Variants in PRKN observed in about 807,000 individuals in gnomAD.
PRKN encodes E3 ubiquitin-protein ligase parkin.
A neutral mutation model predicts 59.5 loss-of-function variants in PRKN; 56 were observed. That is an observed-to-expected ratio of 0.94 (90% CI 0.76 to 1.18). PRKN has a LOEUF of 1.18. Among genes scored for constraint, PRKN ranks in the 50% most tolerant of loss-of-function variants. The pLI is 0.00. For missense variants in PRKN, 657 were observed against 596.4 expected, an observed-to-expected ratio of 1.10 and a Z score of -1.06; for synonymous variants, 250 against 222.1, an observed-to-expected ratio of 1.13 and a Z score of -1.12.
chr6:162,474,531 G>A (rs940387593), intron 1 of PRKN, among the ~76,000 whole-genome samples: 17 of 152,118 alleles, frequency 1.1e-4, no homozygotes, highest in African/African-American at 3.6e-4. Context: ...GAAAGTTGTT[G>A]TAAAAGGTAT....
At chr6:162,021,794 A>T (rs1356504583) in intron 5 of PRKN, among the ~76,000 whole-genome samples, 1 of 152,144 alleles carries the variant, frequency 6.6e-6, no homozygotes, top group Non-Finnish European at 1.5e-5. Context: ...TCCATCACCC[A>T]AATAGTGAAC....
intron 4 of PRKN, among the ~76,000 whole-genome samples, chr6:162,070,510 A>G (rs1195870853): frequency 6.6e-6 from 1 of 152,154 alleles, no homozygotes; most frequent in African/African-American, 2.4e-5. Context: ...TGGATGCTGA[A>G]TATAAGCTGA....
intron 2 of PRKN, among the ~76,000 whole-genome samples, chr6:162,431,101 CCAAAGTGA>C (rs550476223): frequency 7.2e-4 from 109 of 152,064 alleles, no homozygotes; most frequent in African/African-American, 2.5e-3. Context: ...CAGGGAAACT[CCAAAGTGA>C]CAATCAGAGC....
At chr6:162,559,150 CAAAAA>C (rs67508754) in intron 1 of PRKN, among the ~76,000 whole-genome samples, 6 of 102,228 alleles carry the variant, frequency 5.9e-5, no homozygotes, top group African/African-American at 1.5e-4. Context: ...GATTCCGTCT[CAAAAA>C]AAAAAAAAAA....
chr6:162,155,083 G>C (rs1406487964), intron 4 of PRKN, among the ~76,000 whole-genome samples: 3 of 133,504 alleles, frequency 2.2e-5, no homozygotes, highest in Admixed American at 8.3e-5. Flanking sequence ...GTAAATCAAA[G>C]ATGGAAAAAA....
chr6:162,290,430 T>C (rs2128109077), intron 2 of PRKN, among the ~76,000 whole-genome samples: 1 of 152,320 alleles, frequency 6.6e-6, no homozygotes, highest in East Asian at 1.9e-4. Flanking sequence ...TTTTTCCTTC[T>C]TAATAGAATT....
In PRKN at chr6:161,488,948, G is replaced by A. The variant is rs1777442762; in HGVS notation, c.1083+59906C>T. Among the ~76,000 whole-genome samples the A allele has an allele frequency of 6.6e-6, 1 of 152,142 alleles. No individual in the cohort carries two copies. The highest frequency in any genetic ancestry group is 1.5e-5 in the Non-Finnish European group (1 of 68,022). On this transcript the variant is annotated intron_variant, in intron 9 of 11. Coordinates refer to ENST00000366898, the MANE Select transcript of PRKN (RefSeq NM_004562.3). The surrounding 1 kb of genome is among the most constrained non-coding windows in gnomAD (Gnocchi z 4.5). ...AGACCCTTGGAGATGAAGAGGTCAC[G>A]ATTTACCATTGGCTGATAACCTACT...
chr6:162,480,533 A>G (rs896069778), intron 1 of PRKN, among the ~76,000 whole-genome samples: 5 of 152,158 alleles, frequency 3.3e-5, no homozygotes, highest in Non-Finnish European at 5.9e-5. Flanking sequence ...GCCAGTTGAC[A>G]TGACTGAAAA....
At chr6:162,265,250 A>T (rs1780076626) in intron 2 of PRKN, 1 of 152,142 alleles carries the variant, frequency 6.6e-6, no homozygotes, top group East Asian at 1.9e-4. Context: ...AAAATCATGC[A>T]CGCCTGTACA....
intron 1 of PRKN, among the ~76,000 whole-genome samples, chr6:162,623,393 C>G (rs966974017): frequency 6.6e-6 from 1 of 152,152 alleles, no homozygotes; most frequent in Non-Finnish European, 1.5e-5. Flanking sequence ...CACATTGCTA[C>G]ATTAAACGCT....
chr6:162,238,721 T>C (rs989483525), intron 3 of PRKN, among the ~76,000 whole-genome samples: 5 of 152,138 alleles, frequency 3.3e-5, no homozygotes, highest in Non-Finnish European at 7.3e-5. Flanking sequence ...CTGTTGTTTT[T>C]CTGGTTTAGA....
At chr6:161,646,367 A>G (rs1783947047) in intron 7 of PRKN, among the ~76,000 whole-genome samples, 1 of 111,960 alleles carries the variant, frequency 8.9e-6, no homozygotes, top group Admixed American at 8.9e-5. Context: ...CGTATGAGTG[A>G]CAGTGGTGAC....
In PRKN at chr6:161,410,926, A is replaced by C. The variant is rs1472930074; in HGVS notation, c.1084-24049T>G. ...CTCGATGGTTTGATCATGTTTACAA[A>C]ATCTGGCTAAACAGGAAGTTTCATC... On this transcript the variant is annotated intron_variant, in intron 9 of 11. Coordinates refer to ENST00000366898, the MANE Select transcript of PRKN (RefSeq NM_004562.3). The surrounding 1 kb of genome is among the most constrained non-coding windows in gnomAD (Gnocchi z 5.3). 6.6e-6 allele frequency among the ~76,000 whole-genome samples: 1 copy of C among 152,152 alleles called. No homozygotes were observed. Among genetic ancestry groups the C allele is most frequent in the East Asian group, 1.9e-4 (1 of 5,188 alleles).
At position 162,268,933 on chromosome 6, in the gene PRKN, T is replaced by C. The variant is rs548592846; in HGVS notation, c.172-6168A>G. 4.6e-4 allele frequency among the ~76,000 whole-genome samples: 70 copies of C among 152,278 alleles called. No homozygotes were observed. In the Middle Eastern group the frequency reaches 0.017, roughly 37 times the overall value. ...GTTAAAAACATGAGAAGACAGGATC[T>C]GGGACGGGGCTGTATAGGAGGTAGC... On this transcript the variant is annotated intron_variant, in intron 2 of 11. Coordinates refer to ENST00000366898, the MANE Select transcript of PRKN (RefSeq NM_004562.3).
chr6:161,637,565 C>T (rs757662953), intron 7 of PRKN, among the ~76,000 whole-genome samples: 1 of 152,176 alleles, frequency 6.6e-6, no homozygotes, highest in Non-Finnish European at 1.5e-5. Context: ...ACCTGCCTTT[C>T]GTGTTTCTAC....
intron 4 of PRKN, among the ~76,000 whole-genome samples, chr6:162,099,586 C>T (rs1483918123): frequency 1.3e-5 from 2 of 152,074 alleles, no homozygotes; most frequent in Non-Finnish European, 2.9e-5. Flanking sequence ...AAGTATAATA[C>T]ATGTATGTCT....
chr6:162,225,205 A>G (rs1459294033), intron 3 of PRKN, among the ~76,000 whole-genome samples: 1 of 152,134 alleles, frequency 6.6e-6, no homozygotes, highest in African/African-American at 2.4e-5. Context: ...CTGCTCTCAT[A>G]GTAACTAATA....
At chr6:161,741,982 A>T (rs1788208650) in intron 7 of PRKN, among the ~76,000 whole-genome samples, 1 of 130,992 alleles carries the variant, frequency 7.6e-6, no homozygotes, top group Non-Finnish European at 1.7e-5. Context: ...TTATTTATTT[A>T]TTTTGAGACG....
In PRKN at chr6:161,462,982, T is replaced by G. The variant is rs776132035; in HGVS notation, c.1084-76105A>C. On this transcript the variant is annotated intron_variant, in intron 9 of 11. Coordinates refer to ENST00000366898, the MANE Select transcript of PRKN (RefSeq NM_004562.3). The surrounding 1 kb of genome is among the most constrained non-coding windows in gnomAD (Gnocchi z 4.5). ...GGGCATGAAGATGTCAGAAGTTCTATGTATAGTAGACTGCAATGTACTGGA... is the reference window on the plus strand; with the variant it reads ...GGGCATGAAGATGTCAGAAGTTCTAGGTATAGTAGACTGCAATGTACTGGA... Among the ~76,000 whole-genome samples, 1 of 152,140 alleles carries G rather than the reference T, an allele frequency of 6.6e-6. No homozygotes were observed. The highest frequency in any genetic ancestry group is 1.5e-5 in the Non-Finnish European group (1 of 68,030).
Sources: gnomAD v4.1 joint callset for allele counts (sites outside exome capture counted in the v4.1 genomes callset) on GRCh38, gnomAD v4.1.1 for gene constraint, Gnocchi (gnomAD v3.1) non-coding constraint, MANE v1.5 for transcripts, NCBI Gene and HGNC (gene_info 2026-07-23, HGNC 2026-07-21) for gene names.